ACTL7A: variants seen among roughly 807,000 people sequenced by gnomAD.
ACTL7A encodes the protein actin like 7A, also known as actin-like protein 7A.
In ACTL7A, 27 loss-of-function variants were observed where a neutral mutation model predicts 30.3. The ratio of observed to expected loss-of-function variants is 0.89; its 90% confidence interval spans 0.66 to 1.23. The LOEUF (loss-of-function observed/expected upper bound fraction) is 1.23. Ranked by LOEUF, ACTL7A falls within the 50% of genes most tolerant of loss-of-function variation. The pLI is 0.00. For missense variants in ACTL7A, 566 were observed against 571.8 expected, an observed-to-expected ratio of 0.99 and a Z score of 0.10; for synonymous variants, 259 against 241.4, an observed-to-expected ratio of 1.07 and a Z score of -0.67.
chr9:108,862,667 G>A lies in ACTL7A; in HGVS notation c.345G>A (p.Glu115=). The part of the protein sequence containing the change: ...ETAKTGDNRK[E]TFVGQELNNT... Reference sequence around the variant, plus strand: ...CCAAGACTGGGGATAATCGCAAGGAGACATTCGTGGGGCAGGAACTCAACA... The same window carrying A: ...CCAAGACTGGGGATAATCGCAAGGAAACATTCGTGGGGCAGGAACTCAACA... Residue 115 remains glutamate, a synonymous_variant, in exon 1 of 1, where the codon GAG becomes GAA. Transcript: ENST00000333999. The A allele has an allele frequency of 6.2e-7, 1 of 1,614,238 alleles. No individual in the cohort carries two copies. The highest frequency in any genetic ancestry group is 1.6e-4 in the Middle Eastern group (1 of 6,062).
rs1421537081 is a variant in ACTL7A, at chr9:108,863,706, G to A, written c.*76G>A. On this transcript the variant is annotated 3_prime_UTR_variant, in exon 1 of 1. Transcript: ENST00000333999. ...GAGCGCACTCCTACACACAGGGGGT[G>A]GAGCCGGCGCTTATTCCTGTAGCAT... The A allele has an allele frequency of 1.4e-6, 2 of 1,398,880 alleles. No homozygotes were observed. Among genetic ancestry groups the A allele is most frequent in the Non-Finnish European group, 9.7e-7 (1 of 1,031,914 alleles). The allele number at this position is 1,398,880 out of a possible 1,614,324, so 86.7% of individuals were successfully genotyped here. A position where few individuals can be genotyped will look rare whatever the true frequency, so the allele number is the denominator to read the frequency against.
Position 108,863,729 on chromosome 9 carries a change from C to A in ACTL7A, c.*99C>A. The A allele has an allele frequency of 8.9e-7, 1 of 1,123,758 alleles. No homozygotes were observed. Among genetic ancestry groups the A allele is most frequent in the Non-Finnish European group, 1.3e-6 (1 of 798,954 alleles). The allele number at this position is 1,123,758 out of a possible 1,614,324, so 69.6% of individuals were successfully genotyped here. On this transcript the variant is annotated 3_prime_UTR_variant, in exon 1 of 1. Coordinates refer to ENST00000333999, the MANE Select transcript of ACTL7A (RefSeq NM_006687.4). ...GTGGAGCCGGCGCTTATTCCTGTAG[C>A]ATTAAACACCCCTCATATGCCCCTC...
Position 108,862,640 on chromosome 9 carries a change from C to T in ACTL7A, c.318C>T (p.Thr106=), listed in dbSNP as rs767904452. 40 of 1,614,096 alleles carry T rather than the reference C, an allele frequency of 2.5e-5. No individual in the cohort carries two copies. Among genetic ancestry groups the T allele is most frequent in the East Asian group, 4.5e-5 (2 of 44,892 alleles). The part of the protein sequence containing the change: ...STTVGKPYME[T]AKTGDNRKET... ...CGGTGGGCAAGCCCTACATGGAGAC[C>T]GCCAAGACTGGGGATAATCGCAAGG... The change falls in exon 1 of 1, where the codon ACC becomes ACT. Residue 106 remains threonine, a synonymous_variant. Coordinates refer to ENST00000333999, the MANE Select transcript of ACTL7A (RefSeq NM_006687.4).
Position 108,863,094 on chromosome 9 carries a change from A to T in ACTL7A, c.772A>T (p.Asn258Tyr), listed in dbSNP as rs145223364. The T allele has an allele frequency of 3.8e-5, 62 of 1,613,978 alleles. No individual in the cohort carries two copies. The Middle Eastern group carries it at 6.6e-4, about 17-fold the overall frequency. ...GACAGCCTACCTGCTGGGCCTGCTG[A>T]ACAGTGCGGGGAACGAATTCACCCA... ...DLTAYLLGLL[N>Y]SAGNEFTQDQ... is the part of the protein sequence containing the mutation. The change falls in exon 1 of 1, where the codon AAC (asparagine) becomes TAC (tyrosine). Residue 258 changes from asparagine (N) to tyrosine (Y), a missense_variant. Coordinates refer to ENST00000333999, the MANE Select transcript of ACTL7A (RefSeq NM_006687.4).
Position 108,863,709 on chromosome 9 carries a change from G to A in ACTL7A, c.*79G>A. 7.3e-7 allele frequency: 1 copy of A among 1,375,312 alleles called. No homozygotes were observed. The highest frequency in any genetic ancestry group is 9.9e-7 in the Non-Finnish European group (1 of 1,013,190). The allele number at this position is 1,375,312 out of a possible 1,614,324, so 85.2% of individuals were successfully genotyped here. A position where few individuals can be genotyped will look rare whatever the true frequency, so the allele number is the denominator to read the frequency against. On this transcript the variant is annotated 3_prime_UTR_variant, in exon 1 of 1. Coordinates refer to ENST00000333999, the MANE Select transcript of ACTL7A (RefSeq NM_006687.4). Reference sequence around the variant, plus strand: ...CGCACTCCTACACACAGGGGGTGGAGCCGGCGCTTATTCCTGTAGCATTAA... The same window carrying A: ...CGCACTCCTACACACAGGGGGTGGAACCGGCGCTTATTCCTGTAGCATTAA...
In ACTL7A at chr9:108,862,564, G is replaced by C. The variant is rs761580697; in HGVS notation, c.242G>C (p.Cys81Ser). ...GTCGTGGACCTGGGCACTGGCTACT[G>C]TAAATGTGGCTTTGCCGGCCTGCCA... is the stretch of plus-strand genomic sequence containing the variant. The part of the protein sequence containing the change: ...AVVVDLGTGY[C>S]KCGFAGLPRP... The change falls in exon 1 of 1, where the codon TGT becomes TCT. Residue 81 changes from cysteine to serine, a missense_variant. Coordinates refer to ENST00000333999, the MANE Select transcript of ACTL7A (RefSeq NM_006687.4). 1 of 1,614,174 alleles carries C rather than the reference G, an allele frequency of 6.2e-7. No individual in the cohort carries two copies.
chr9:108,862,863 G>C lies in ACTL7A; in HGVS notation c.541G>C (p.Glu181Gln). 6.2e-7 allele frequency: 1 copy of C among 1,613,782 alleles called. No individual in the cohort carries two copies. Among genetic ancestry groups the C allele is most frequent in the South Asian group, 1.1e-5 (1 of 91,028 alleles). The change falls in exon 1 of 1, where the codon GAG (glutamate) becomes CAG (glutamine). Residue 181 changes from glutamate (E) to glutamine (Q), a missense_variant. Transcript: ENST00000333999. The part of the protein sequence containing the change: ...DPPLSPHTNR[E>Q]KYAEMLFEAF... The stretch of plus-strand genomic sequence containing the variant: ...GCCACTGAGCCCACACACCAACAGA[G>C]AGAAATATGCTGAAATGCTGTTTGA...
chr9:108,862,626 C>A lies in ACTL7A; in HGVS notation c.304C>A (p.Pro102Thr). Residue 102 changes from proline (P) to threonine (T), a missense_variant, in exon 1 of 1, where the codon CCC becomes ACC. By Grantham distance (38) the Pro-to-Thr change is conservative. Coordinates refer to ENST00000333999, the MANE Select transcript of ACTL7A (RefSeq NM_006687.4). The stretch of plus-strand genomic sequence containing the variant: ...CAAGATCTCAACAACGGTGGGCAAG[C>A]CCTACATGGAGACCGCCAAGACTGG... Reference protein sequence around the residue: ...THKISTTVGKPYMETAKTGDN... With the variant: ...THKISTTVGKTYMETAKTGDN... 1 of 1,614,220 alleles carries A rather than the reference C, an allele frequency of 6.2e-7. No homozygotes were observed. The highest frequency in any genetic ancestry group is 1.3e-5 in the African/African-American group (1 of 75,060).
chr9:108,862,479 G>A lies in ACTL7A; in HGVS notation c.157G>A (p.Glu53Lys), dbSNP rs1827177015. Residue 53 changes from glutamate (E) to lysine (K), a missense_variant, in exon 1 of 1, where the codon GAA (glutamate) becomes AAA (lysine). Glu to Lys is a moderately conservative substitution (Grantham distance 56). Transcript: ENST00000333999. The stretch of plus-strand genomic sequence containing the variant: ...CCGCCATACGAGTTCAGAGCCACAA[G>A]AACCTACTGAATCAAAGGCAGCCAA... The part of the protein sequence containing the change: ...WVRHTSSEPQ[E>K]PTESKAAKER... 1.2e-6 allele frequency: 2 copies of A among 1,614,118 alleles called. No individual in the cohort carries two copies. The highest frequency in any genetic ancestry group is 1.7e-6 in the Non-Finnish European group (2 of 1,180,024).
At position 108,863,749 on chromosome 9, in the gene ACTL7A, C is replaced by A. The variant is rs902147504; in HGVS notation, c.*119C>A. ...TGTAGCATTAAACACCCCTCATATG[C>A]CCCTCCACAGTGTGTTTCTCTACTT... On this transcript the variant is annotated 3_prime_UTR_variant, in exon 1 of 1. Coordinates refer to ENST00000333999, the MANE Select transcript of ACTL7A (RefSeq NM_006687.4). 8 of 884,810 alleles carry A rather than the reference C, an allele frequency of 9.0e-6. No individual in the cohort carries two copies. The Admixed American group carries it at 2.4e-4, about 26-fold the overall frequency. 54.8% of individuals were successfully genotyped at this position (884,810 alleles called of 1,614,324 possible). A position where few individuals can be genotyped will look rare whatever the true frequency, so the allele number is the denominator to read the frequency against.
In ACTL7A at chr9:108,863,332, C is replaced by T. The variant is rs989169864; in HGVS notation, c.1010C>T (p.Thr337Ile). 7 of 1,614,076 alleles carry T rather than the reference C, an allele frequency of 4.3e-6. No individual in the cohort carries two copies. Among genetic ancestry groups the T allele is most frequent in the Non-Finnish European group, 5.1e-6 (6 of 1,180,042 alleles). Residue 337 changes from threonine to isoleucine, a missense_variant, in exon 1 of 1, where the codon ACC becomes ATC. Transcript: ENST00000333999. ...LIKSMQLGLH[T>I]QTVSCLNKCD... is the part of the protein sequence containing the mutation. ...AAGTCCATGCAGCTGGGCCTCCACA[C>T]CCAAACCGTGTCCTGCCTTAACAAG...
In ACTL7A at chr9:108,862,991, GT is replaced by G; in HGVS notation, c.670del (p.Ser224ProfsTer26). Reference protein sequence around the residue: ...GLVVEVGHGVSYVVPIYEGYP... With the variant: ...GLVVEVGHGVXYVVPIYEGYP... ...TGGTGGTGGAGGTGGGCCATGGCGT[GT>G]CCTACGTGGTCCCCATCTACGAGGG... On this transcript the variant is annotated frameshift_variant, in exon 1 of 1. Transcript: ENST00000333999. LOFTEE classifies it high-confidence loss of function. 6.2e-7 allele frequency: 1 copy of G among 1,611,210 alleles called. No homozygotes were observed. Among genetic ancestry groups the G allele is most frequent in the East Asian group, 2.2e-5 (1 of 44,810 alleles).
In ACTL7A at chr9:108,863,432, C is replaced by G; in HGVS notation, c.1110C>G (p.Phe370Leu). 6.2e-7 allele frequency: 1 copy of G among 1,614,142 alleles called. No homozygotes were observed. Among genetic ancestry groups the G allele is most frequent in the Non-Finnish European group, 8.5e-7 (1 of 1,180,016 alleles). Residue 370 changes from phenylalanine to leucine, a missense_variant, in exon 1 of 1, where the codon TTC becomes TTG. Transcript: ENST00000333999. ...GGGGCAGCACGATGCTCAGTGGCTT[C>G]CCTAACCGTCTGCAGAAGGAGCTAA... is the stretch of plus-strand genomic sequence containing the variant. ...LCGGSTMLSG[F>L]PNRLQKELSS...
chr9:108,863,084 G>T lies in ACTL7A; in HGVS notation c.762G>T (p.Leu254=), dbSNP rs772745394. 1 of 1,614,134 alleles carries T rather than the reference G, an allele frequency of 6.2e-7. No homozygotes were observed. Among genetic ancestry groups the T allele is most frequent in the Admixed American group, 1.7e-5 (1 of 60,024 alleles). The part of the protein sequence containing the change: ...YAGSDLTAYL[L]GLLNSAGNEF... Reference sequence around the variant, plus strand: ...GCTCTGACCTGACAGCCTACCTGCTGGGCCTGCTGAACAGTGCGGGGAACG... The same window carrying T: ...GCTCTGACCTGACAGCCTACCTGCTTGGCCTGCTGAACAGTGCGGGGAACG... The change falls in exon 1 of 1, where the codon CTG becomes CTT. Residue 254 remains leucine, a synonymous_variant. Coordinates refer to ENST00000333999, the MANE Select transcript of ACTL7A (RefSeq NM_006687.4).
chr9:108,863,588 C>A lies in ACTL7A; in HGVS notation c.1266C>A (p.Tyr422Ter). The A allele has an allele frequency of 1.9e-6, 3 of 1,613,462 alleles. No individual in the cohort carries two copies. The highest frequency in any genetic ancestry group is 2.5e-6 in the Non-Finnish European group (3 of 1,179,672). Residue 422 changes from tyrosine to a stop codon, truncating the protein, a stop_gained, in exon 1 of 1, where the codon TAC becomes TAA. Transcript: ENST00000333999. LOFTEE classifies it high-confidence loss of function. The part of the protein sequence containing the change: ...FQPLWVHRFE[Y>*]EEHGPFFLYR... ...CATTGTGGGTCCACCGCTTTGAGTA[C>A]GAGGAACACGGGCCTTTCTTCCTCT...
At position 108,862,342 on chromosome 9, in the gene ACTL7A, C is replaced by A; in HGVS notation, c.20C>A (p.Ala7Glu). MWAPPA[A>E]IMGDGPTKKV... ...GACAACATGTGGGCTCCACCAGCAGCAATCATGGGGGATGGGCCCACCAAG... is the reference window on the plus strand; with the variant it reads ...GACAACATGTGGGCTCCACCAGCAGAAATCATGGGGGATGGGCCCACCAAG... The change falls in exon 1 of 1, where the codon GCA (alanine) becomes GAA (glutamate). Residue 7 changes from alanine (A) to glutamate (E), a missense_variant. Transcript: ENST00000333999. The A allele has an allele frequency of 1.9e-6, 3 of 1,610,726 alleles. No homozygotes were observed. The highest frequency in any genetic ancestry group is 2.5e-6 in the Non-Finnish European group (3 of 1,178,846).
rs749742786 is a variant in ACTL7A, at chr9:108,863,645, G to A, written c.*15G>A. On this transcript the variant is annotated 3_prime_UTR_variant, in exon 1 of 1. Transcript: ENST00000333999. ...GGTGCTTCTGAACAGCGACGAGGAT[G>A]GACACTGCACTGGCAGTGCCTACCC... The A allele has an allele frequency of 9.4e-6, 15 of 1,587,430 alleles. No homozygotes were observed. The highest frequency in any genetic ancestry group is 7.0e-5 in the South Asian group (6 of 85,574).
At position 108,863,693 on chromosome 9, in the gene ACTL7A, A is replaced by G. The variant is rs1269477280; in HGVS notation, c.*63A>G. 3.4e-6 allele frequency: 5 copies of G among 1,477,568 alleles called. No homozygotes were observed. In the African/African-American group the frequency reaches 5.6e-5, roughly 16 times the overall value. 91.5% of individuals were successfully genotyped at this position (1,477,568 alleles called of 1,614,324 possible). On this transcript the variant is annotated 3_prime_UTR_variant, in exon 1 of 1. Transcript: ENST00000333999. ...CCCTCGACAGGGTGAGCGCACTCCTACACACAGGGGGTGGAGCCGGCGCTT... is the reference window on the plus strand; with the variant it reads ...CCCTCGACAGGGTGAGCGCACTCCTGCACACAGGGGGTGGAGCCGGCGCTT...
At position 108,863,445 on chromosome 9, in the gene ACTL7A, CAGA is replaced by C. The variant is rs1395859896; in HGVS notation, c.1126_1128del (p.Lys376del). 1 of 1,614,062 alleles carries C rather than the reference CAGA, an allele frequency of 6.2e-7. No homozygotes were observed. The highest frequency in any genetic ancestry group is 1.3e-5 in the African/African-American group (1 of 74,920). The stretch of plus-strand genomic sequence containing the variant: ...GCTCAGTGGCTTCCCTAACCGTCTG[CAGA>C]AGGAGCTAAGCAGCATGTGTCCCAA... On this transcript the variant is annotated inframe_deletion, in exon 1 of 1. Coordinates refer to ENST00000333999, the MANE Select transcript of ACTL7A (RefSeq NM_006687.4).
Sources: allele counts gnomAD v4.1 joint callset, GRCh38; gene constraint gnomAD v4.1.1; transcripts MANE v1.5; gene names NCBI Gene and HGNC (gene_info 2026-07-23, HGNC 2026-07-21).